The following IGF1R variants were observed in gnomAD, a reference collection of about 807,000 sequenced individuals.
IGF1R encodes insulin-like growth factor 1 receptor.
A neutral mutation model predicts 144.6 loss-of-function variants in IGF1R; 44 were observed. That is an observed-to-expected ratio of 0.30 (90% confidence interval 0.24 to 0.39). IGF1R has a LOEUF of 0.39. Ranked by LOEUF, IGF1R falls within the 10% of genes least tolerant of loss-of-function variation. The pLI is 1.00. For synonymous variants in IGF1R, 795 were observed against 722.8 expected, an observed-to-expected ratio of 1.10 and a Z score of -1.60; for missense variants, 1,355 against 1,833.7, an observed-to-expected ratio of 0.74 and a Z score of 4.77.
intron 1 of IGF1R, among the ~76,000 whole-genome samples, chr15:98,674,268 A>G (rs1340431635): frequency 6.6e-6 from 1 of 152,222 alleles, no homozygotes; most frequent in Non-Finnish European, 1.5e-5. Flanking sequence ...ATTTTGGAGG[A>G]GAAACTGTTA....
At chr15:98,689,727 C>G (rs1203217813) in intron 1 of IGF1R, among the ~76,000 whole-genome samples, 1 of 152,110 alleles carries the variant, frequency 6.6e-6, no homozygotes, top group African/African-American at 2.4e-5. Context: ...GTGAGTTGCC[C>G]CCTTATATAG....
intron 2 of IGF1R, among the ~76,000 whole-genome samples, chr15:98,789,505 C>T (rs1477367684): frequency 1.3e-5 from 2 of 152,154 alleles, no homozygotes; most frequent in African/African-American, 2.4e-5. Context: ...CCCCTGACGC[C>T]GAGTCCTCGC....
chr15:98,781,688 C>G (rs879720989), intron 2 of IGF1R, among the ~76,000 whole-genome samples: 1 of 152,104 alleles, frequency 6.6e-6, no homozygotes, highest in Admixed American at 6.6e-5. Context: ...CTACTTAGAA[C>G]TTTATCTACC....
At chr15:98,680,958 C>G (rs775007772) in intron 1 of IGF1R, among the ~76,000 whole-genome samples, 3 of 151,238 alleles carry the variant, frequency 2.0e-5, no homozygotes, top group South Asian at 2.1e-4. Flanking sequence ...CATGGTGTTA[C>G]AACTGCCTGC....
At chr15:98,904,565 A>T (rs1362448004) in intron 5 of IGF1R, among the ~76,000 whole-genome samples, 1 of 152,060 alleles carries the variant, frequency 6.6e-6, no homozygotes, top group Non-Finnish European at 1.5e-5. Flanking sequence ...TTGCAGATGG[A>T]TTGGTGGGAG....
chr15:98,725,820 A>G (rs1055302485), intron 2 of IGF1R, among the ~76,000 whole-genome samples: 1 of 152,234 alleles, frequency 6.6e-6, no homozygotes, highest in East Asian at 1.9e-4. Context: ...TACTTCTTAC[A>G]TGGTGGCAGC....
At chr15:98,789,867 C>A (rs76195655) in intron 2 of IGF1R, among the ~76,000 whole-genome samples, 1 of 151,938 alleles carries the variant, frequency 6.6e-6, no homozygotes, top group Non-Finnish European at 1.5e-5. Flanking sequence ...GTCAGAGAGG[C>A]GGGTTGCTGG....
Position 98,933,151 on chromosome 15 carries a change from C to T in IGF1R, c.2957-1673C>T, listed in dbSNP as rs191379158. On this transcript the variant is annotated intron_variant, in intron 15 of 20. Coordinates refer to ENST00000650285, the MANE Select transcript of IGF1R (RefSeq NM_000875.5). ...AGGTCCCGTCAGGCAAGGACATTAG[C>T]ACACAGCGTCAGAGGAATTACTGAC... 2.6e-5 allele frequency among the ~76,000 whole-genome samples: 4 copies of T among 152,320 alleles called. No individual in the cohort carries two copies. The East Asian group carries it at 7.7e-4, about 29-fold the overall frequency.
Position 98,939,299 on chromosome 15 carries a change from CCA to C in IGF1R, c.3399_3400del (p.His1133GlnfsTer29). 6.2e-7 allele frequency: 1 copy of C among 1,614,112 alleles called. No individual in the cohort carries two copies. Among genetic ancestry groups the C allele is most frequent in the Non-Finnish European group, 8.5e-7 (1 of 1,179,994 alleles). ...MAYLNANKFV[H>X]RDLAARNCMV... ...CATACCTCAACGCCAATAAGTTCGT[CCA>C]CAGAGACCTTGCTGCCCGGAATTGC... On this transcript the variant is annotated frameshift_variant, in exon 18 of 21. Coordinates refer to ENST00000650285, the MANE Select transcript of IGF1R (RefSeq NM_000875.5). LOFTEE classifies it high-confidence loss of function.
intron 2 of IGF1R, among the ~76,000 whole-genome samples, chr15:98,759,572 C>A (rs2055242402): frequency 6.6e-6 from 1 of 152,184 alleles, no homozygotes; most frequent in African/African-American, 2.4e-5. Context: ...TGCAAAATTG[C>A]CAGCACAAGT....
chr15:98,732,840 G>C (rs951442753), intron 2 of IGF1R, among the ~76,000 whole-genome samples: 2 of 152,120 alleles, frequency 1.3e-5, no homozygotes, highest in African/African-American at 4.8e-5. Flanking sequence ...CACTGACCTG[G>C]CTGCAGAGAG....
At chr15:98,772,663 A>AT (rs546717468) in intron 2 of IGF1R, among the ~76,000 whole-genome samples, 2,894 of 146,742 alleles carry the variant, frequency 0.02, 45 homozygotes, top group African/African-American at 0.028. Context: ...CGCCCAGCTA[A>AT]TTTTTTTTTT....
chr15:98,860,446 G>C (rs2012086362), intron 2 of IGF1R, among the ~76,000 whole-genome samples: 2 of 152,220 alleles, frequency 1.3e-5, no homozygotes, highest in South Asian at 4.1e-4. Context: ...GCAATGACCA[G>C]ATGATGAAAT....
At chr15:98,945,492 G>T (rs1285652225) in intron 19 of IGF1R, among the ~76,000 whole-genome samples, 1 of 152,208 alleles carries the variant, frequency 6.6e-6, no homozygotes, top group African/African-American at 2.4e-5. Context: ...ACAGAGACAT[G>T]TATCTACTGT....
At chr15:98,714,306 T>C (rs550117636) in intron 2 of IGF1R, among the ~76,000 whole-genome samples, 6 of 152,188 alleles carry the variant, frequency 3.9e-5, no homozygotes, top group Admixed American at 3.3e-4. Flanking sequence ...TATAGGTTGG[T>C]GTGGCTGACC....
intron 2 of IGF1R, among the ~76,000 whole-genome samples, chr15:98,739,518 C>T (rs763931433): frequency 1.6e-4 from 25 of 152,178 alleles, no homozygotes; most frequent in Middle Eastern, 6.8e-3. Flanking sequence ...ATCAGGTTGT[C>T]TCCTAAAAAT....
intron 2 of IGF1R, among the ~76,000 whole-genome samples, chr15:98,800,784 C>T (rs906396855): frequency 6.6e-6 from 1 of 152,204 alleles, no homozygotes; most frequent in Non-Finnish European, 1.5e-5. Context: ...GTCCCAGTTC[C>T]TGCAGCTGCT....
At chr15:98,769,091 C>T (rs2055518174) in intron 2 of IGF1R, among the ~76,000 whole-genome samples, 1 of 152,228 alleles carries the variant, frequency 6.6e-6, no homozygotes, top group Non-Finnish European at 1.5e-5. Flanking sequence ...CATAAAATCT[C>T]TAAATCAAAA....
intron 10 of IGF1R, among the ~76,000 whole-genome samples, chr15:98,918,748 G>A (rs1423120047): frequency 6.6e-6 from 1 of 152,170 alleles, no homozygotes; most frequent in Non-Finnish European, 1.5e-5. Context: ...GCGTGGTGGT[G>A]CACACCTGTA....
Sources: allele counts gnomAD v4.1 joint callset (sites outside exome capture counted in the v4.1 genomes callset), GRCh38; gene constraint gnomAD v4.1.1; transcripts MANE v1.5; gene names NCBI Gene and HGNC (gene_info 2026-07-23, HGNC 2026-07-21).